Variants in MDGA1 observed in about 807,000 individuals in gnomAD.
MDGA1 encodes the protein MAM domain containing glycosylphosphatidylinositol anchor 1, also known as MAM domain-containing glycosylphosphatidylinositol anchor protein 1.
Under a neutral mutation model 101.5 loss-of-function variants are expected in MDGA1, and 54 were observed. The observed-to-expected ratio is 0.53, with a 90% CI of 0.43 to 0.67. The LOEUF is 0.67. Ranked by LOEUF, MDGA1 falls within the 30% of genes least tolerant of loss-of-function variation. The pLI is 0.00. For missense variants in MDGA1, 1,083 were observed against 1,323.8 expected (o/e 0.82, Z 2.82); for synonymous variants, 533 against 558.3 (o/e 0.95, Z 0.64).
chr6:37,678,144 C>A (rs893860004), intron 1 of MDGA1, among the ~76,000 whole-genome samples: 1 of 152,150 alleles, frequency 6.6e-6, no homozygotes, highest in African/African-American at 2.4e-5. Flanking sequence ...CACTGCCCCC[C>A]AGTACCCCCA....
intron 6 of MDGA1, among the ~76,000 whole-genome samples, chr6:37,653,505 C>T (rs983697118): frequency 1.3e-5 from 2 of 152,046 alleles, no homozygotes; most frequent in Admixed American, 6.6e-5. Flanking sequence ...GGAAACAAGC[C>T]TGGATCTTTA....
Position 37,652,072 on chromosome 6 carries a change from A to C in MDGA1, c.1251T>G (p.Ala417=). 2 of 1,612,846 alleles carry C rather than the reference A, an allele frequency of 1.2e-6. No individual in the cohort carries two copies. Among genetic ancestry groups the C allele is most frequent in the Non-Finnish European group, 8.5e-7 (1 of 1,179,548 alleles). ...CGGGCACGGGTGCCCCTGGGAAAGAAGCCATGCACAGGTAGGTGCCATAGT... is the reference window on the plus strand; with the variant it reads ...CGGGCACGGGTGCCCCTGGGAAAGACGCCATGCACAGGTAGGTGCCATAGT... The part of the protein sequence containing the change: ...FSDYGTYLCM[A]SFPGAPVPDL... The change falls in exon 7 of 17, where the codon GCT becomes GCG. Residue 417 remains alanine (A), a synonymous_variant. Transcript: ENST00000434837. This position sits in a 1 kb window ranked among gnomAD's most constrained non-coding sequence, Gnocchi z 4.3.
chr6:37,650,880 A>G (rs1761344797), intron 7 of MDGA1, among the ~76,000 whole-genome samples: 1 of 152,232 alleles, frequency 6.6e-6, no homozygotes, highest in African/African-American at 2.4e-5. Context: ...ACCCAGAAAA[A>G]AGAGTACATC....
At chr6:37,694,097 A>G (rs1189777889) in intron 1 of MDGA1, among the ~76,000 whole-genome samples, 1 of 152,096 alleles carries the variant, frequency 6.6e-6, no homozygotes, top group Non-Finnish European at 1.5e-5. Context: ...TTATCCACAC[A>G]GGTCTGGGGG....
Position 37,638,063 on chromosome 6 carries a change from A to G in MDGA1, c.2776+142T>C, listed in dbSNP as rs1737638993. 2.8e-6 allele frequency: 2 copies of G among 707,424 alleles called. No homozygotes were observed. Among genetic ancestry groups the G allele is most frequent in the Admixed American group, 2.2e-5 (1 of 45,864 alleles). The allele number at this position is 707,424 out of a possible 1,614,324, so 43.8% of individuals were successfully genotyped here. ...GAGTGAGTGTGGGGCACACCTTCAC[A>G]CAGTCAGAGCCACATGATTCCCATC... On this transcript the variant is annotated intron_variant, in intron 16 of 16. Coordinates refer to ENST00000434837, the MANE Select transcript of MDGA1 (RefSeq NM_153487.4). This position sits in a 1 kb window ranked among gnomAD's most constrained non-coding sequence, Gnocchi z 4.8.
At chr6:37,661,424 G>C (rs1249643478) in intron 2 of MDGA1, among the ~76,000 whole-genome samples, 1 of 152,224 alleles carries the variant, frequency 6.6e-6, no homozygotes, top group African/African-American at 2.4e-5. Context: ...AGTGGGCCAT[G>C]AGATGATATT....
At position 37,650,352 on chromosome 6, in the gene MDGA1, C is replaced by A; in HGVS notation, c.1366G>T (p.Gly456Ter). The A allele has an allele frequency of 6.3e-7, 1 of 1,576,716 alleles. No individual in the cohort carries two copies. Among genetic ancestry groups the A allele is most frequent in the Non-Finnish European group, 8.6e-7 (1 of 1,162,812 alleles). ...TCGCATTGCAGCTCGGCAGGCGATC[C>A]CTCGCGCACGGTCACCACGGCCCTA... ...KGRAVVTVRE[G>*]SPAELQCEVR... The change falls in exon 8 of 17, where the codon GGA (glycine) becomes TGA (stop). Residue 456 changes from glycine to a stop codon, truncating the protein, a stop_gained. Coordinates refer to ENST00000434837, the MANE Select transcript of MDGA1 (RefSeq NM_153487.4). LOFTEE classifies it high-confidence loss of function.
Position 37,635,226 on chromosome 6 carries a change from AG to A in MDGA1, c.*2141del. The A allele has an allele frequency of 5.3e-6, 2 of 380,268 alleles. No individual in the cohort carries two copies. Among genetic ancestry groups the A allele is most frequent in the Non-Finnish European group, 9.3e-6 (2 of 214,792 alleles). The allele number at this position is 380,268 out of a possible 1,614,324, so 23.6% of individuals were successfully genotyped here. A position where few individuals can be genotyped will look rare whatever the true frequency, so the allele number is the denominator to read the frequency against. ...CTCTGGTGGTTCTATTCTGCAGGCA[AG>A]GCCAGGAACCACTGATTACAGAATC... On this transcript the variant is annotated 3_prime_UTR_variant, in exon 17 of 17. Coordinates refer to ENST00000434837, the MANE Select transcript of MDGA1 (RefSeq NM_153487.4).
In MDGA1 at chr6:37,650,302, T is replaced by C. The variant is rs1453659994; in HGVS notation, c.1416A>G (p.Pro472=). Residue 472 remains proline, a synonymous_variant, in exon 8 of 17, where the codon CCA becomes CCG. Coordinates refer to ENST00000434837, the MANE Select transcript of MDGA1 (RefSeq NM_153487.4). ...QCEVRGKPRP[P]VLWSRVDKEA... is the part of the protein sequence containing the mutation. ...CCTTGTCCACGCGGGACCAGAGCACTGGCGGCCGCGGCTTGCCCCGCACCT... is the reference window on the plus strand; with the variant it reads ...CCTTGTCCACGCGGGACCAGAGCACCGGCGGCCGCGGCTTGCCCCGCACCT... 1.9e-6 allele frequency: 3 copies of C among 1,598,954 alleles called. No homozygotes were observed. Among genetic ancestry groups the C allele is most frequent in the Non-Finnish European group, 2.6e-6 (3 of 1,174,744 alleles).
intron 1 of MDGA1, among the ~76,000 whole-genome samples, chr6:37,669,157 C>T (rs72847488): frequency 0.08 from 12,115 of 152,176 alleles, 650 homozygotes; most frequent in Non-Finnish European, 0.12. Flanking sequence ...AGAGAACTTT[C>T]TTGGGGAGAA....
At position 37,635,456 on chromosome 6, in the gene MDGA1, C is replaced by A. The variant is rs763202619; in HGVS notation, c.*1912G>T. 5 of 398,718 alleles carry A rather than the reference C, an allele frequency of 1.3e-5. No homozygotes were observed. In the East Asian group the frequency reaches 1.8e-4, roughly 14 times the overall value. The allele number at this position is 398,718 out of a possible 1,614,324, so 24.7% of individuals were successfully genotyped here. ...GGAAGTGTATGCTGAGAACCTGGAG[C>A]GACTCATTTCAGACAGAGGCCTTGA... is the stretch of plus-strand genomic sequence containing the variant. On this transcript the variant is annotated 3_prime_UTR_variant, in exon 17 of 17. Coordinates refer to ENST00000434837, the MANE Select transcript of MDGA1 (RefSeq NM_153487.4).
At chr6:37,669,926 G>A (rs1761833866) in intron 1 of MDGA1, among the ~76,000 whole-genome samples, 1 of 152,206 alleles carries the variant, frequency 6.6e-6, no homozygotes, top group South Asian at 2.1e-4. Context: ...ATTTCAGAGT[G>A]TTAAATGCTA....
intron 1 of MDGA1, among the ~76,000 whole-genome samples, chr6:37,695,848 T>C (rs9349050): frequency 0.6 from 91,911 of 152,144 alleles, 28,875 homozygotes; most frequent in African/African-American, 0.77. Flanking sequence ...GAATGATTTT[T>C]TGTGCTGTGG....
At position 37,647,208 on chromosome 6, in the gene MDGA1, C is replaced by A. The variant is rs755089010; in HGVS notation, c.2011G>T (p.Asp671Tyr). The A allele has an allele frequency of 6.3e-7, 1 of 1,597,080 alleles. No individual in the cohort carries two copies. The highest frequency in any genetic ancestry group is 1.7e-5 in the Admixed American group (1 of 57,324). The change falls in exon 10 of 17, where the codon GAC becomes TAC. Residue 671 changes from aspartate (D) to tyrosine (Y), a missense_variant. Physicochemically the swap from Asp to Tyr is radical, Grantham distance 160. Coordinates refer to ENST00000434837, the MANE Select transcript of MDGA1 (RefSeq NM_153487.4). ...CTGAGTCTGTAGTTGAGCACAGGGT[C>A]GACAGCGTCGGGCTCCCTCTGAGTC... ...QWTQREPDAV[D>Y]PVLNYRLSIR...
At chr6:37,675,735 G>T (rs2114078924) in intron 1 of MDGA1, among the ~76,000 whole-genome samples, 1 of 152,244 alleles carries the variant, frequency 6.6e-6, no homozygotes, top group South Asian at 2.1e-4. Flanking sequence ...TGGACACAGG[G>T]TTACTCATTG....
In MDGA1 at chr6:37,696,753, C is replaced by T. The variant is rs1193498152; in HGVS notation, c.59G>A (p.Gly20Glu). 9 of 1,582,684 alleles carry T rather than the reference C, an allele frequency of 5.7e-6. No homozygotes were observed. Among genetic ancestry groups the T allele is most frequent in the Non-Finnish European group, 7.7e-6 (9 of 1,163,682 alleles). Residue 20 changes from glycine to glutamate, a missense_variant, in exon 1 of 17, where the codon GGA becomes GAA. Coordinates refer to ENST00000434837, the MANE Select transcript of MDGA1 (RefSeq NM_153487.4). This position sits in a 1 kb window ranked among gnomAD's most constrained non-coding sequence, Gnocchi z 5.6. ...GGGACGCGGGCTCTTACCGTAGACT[C>T]CTTGTCCCCGGCAGTGGAAGGGGAT... ...ALIPFHCRGQ[G>E]VYAPAQAQIV...
chr6:37,667,310 C>A (rs1761776251), intron 1 of MDGA1, among the ~76,000 whole-genome samples: 1 of 152,324 alleles, frequency 6.6e-6, no homozygotes, highest in South Asian at 2.1e-4. Flanking sequence ...GAGGAATGAA[C>A]CTGGCTGGCT....
intron 1 of MDGA1, among the ~76,000 whole-genome samples, chr6:37,683,587 T>C (rs1762139252): frequency 6.6e-6 from 1 of 152,166 alleles, no homozygotes; most frequent in Non-Finnish European, 1.5e-5. Flanking sequence ...GGTTTAGGAG[T>C]ACCGGGAATT....
At chr6:37,686,488 G>A (rs571155596) in intron 1 of MDGA1, among the ~76,000 whole-genome samples, 19 of 151,582 alleles carry the variant, frequency 1.3e-4, no homozygotes, top group Admixed American at 3.9e-4. Context: ...GTGCAGTGGC[G>A]TGATCTCGGC....
Sources: allele counts gnomAD v4.1 joint callset (sites outside exome capture counted in the v4.1 genomes callset), GRCh38; gene constraint gnomAD v4.1.1; non-coding constraint Gnocchi (gnomAD v3.1); transcripts MANE v1.5; gene names NCBI Gene and HGNC (gene_info 2026-07-23, HGNC 2026-07-21).